The following ATP8A1 variants were observed in gnomAD, a reference collection of about 807,000 sequenced individuals.
ATP8A1 encodes ATPase phospholipid transporting 8A1, also known as phospholipid-transporting ATPase IA.
Under a neutral mutation model 177.7 loss-of-function variants are expected in ATP8A1, and 90 were observed. The observed-to-expected ratio is 0.51, with a 90% confidence interval of 0.43 to 0.60. The LOEUF is 0.60. Ranked by LOEUF, ATP8A1 falls within the 20% of genes least tolerant of loss-of-function variation. The pLI is 0.00. For missense variants in ATP8A1, 1,072 were observed against 1,392.8 expected (o/e 0.77, Z 3.67); for synonymous variants, 493 against 485.9 (o/e 1.01, Z -0.19).
At chr4:42,616,624 G>A (rs1736944608) in intron 4 of ATP8A1, among the ~76,000 whole-genome samples, 1 of 152,122 alleles carries the variant, frequency 6.6e-6, no homozygotes, top group African/African-American at 2.4e-5. Flanking sequence ...AGTCTCCCCT[G>A]TTCAATGCTC....
At chr4:42,473,938 G>A (rs1181946194) in intron 25 of ATP8A1, among the ~76,000 whole-genome samples, 4 of 151,924 alleles carry the variant, frequency 2.6e-5, no homozygotes, top group African/African-American at 7.3e-5. Context: ...ACAGGTGTGA[G>A]CCATCATGCA....
At chr4:42,436,336 T>C (rs1296116128) in intron 33 of ATP8A1, among the ~76,000 whole-genome samples, 4 of 152,222 alleles carry the variant, frequency 2.6e-5, no homozygotes, top group Admixed American at 1.3e-4. Context: ...ACACTTGCCG[T>C]ATATTGCAGG....
chr4:42,627,918 G>A (rs1036667500), intron 1 of ATP8A1, among the ~76,000 whole-genome samples: 2 of 152,138 alleles, frequency 1.3e-5, no homozygotes, highest in Non-Finnish European at 2.9e-5. Flanking sequence ...CTGACATGTG[G>A]TTTCTTCTGA....
intron 25 of ATP8A1, among the ~76,000 whole-genome samples, chr4:42,481,033 G>A (rs1408759355): frequency 2.0e-5 from 3 of 152,190 alleles, no homozygotes; most frequent in African/African-American, 7.2e-5. Flanking sequence ...ACAGAAAAAT[G>A]TAAAATTCTT....
chr4:42,624,612 G>A lies in ATP8A1; in HGVS notation c.287C>T (p.Thr96Ile). The stretch of plus-strand genomic sequence containing the variant: ...AGGAACCAGTGTTGTATAACGACCT[G>A]TTGGTGACACATCAGGTATTTGCTG... The part of the protein sequence containing the change: ...LLQQIPDVSP[T>I]GRYTTLVPLL... The change falls in exon 4 of 37, where the codon ACA (threonine) becomes ATA (isoleucine). Residue 96 changes from threonine to isoleucine, a missense_variant. Physicochemically the swap from Thr to Ile is moderately conservative, Grantham distance 89. Transcript: ENST00000381668. The A allele has an allele frequency of 6.9e-7, 1 of 1,450,030 alleles. No individual in the cohort carries two copies. The highest frequency in any genetic ancestry group is 9.2e-7 in the Non-Finnish European group (1 of 1,092,528). The allele number at this position is 1,450,030 out of a possible 1,614,324, so 89.8% of individuals were successfully genotyped here.
intron 2 of ATP8A1, chr4:42,626,052 C>T (rs1051796008): frequency 5.0e-5 from 8 of 158,550 alleles, no homozygotes; most frequent in African/African-American, 1.9e-4. Flanking sequence ...CAACGTGTGA[C>T]TAGAAAATAA....
intron 25 of ATP8A1, among the ~76,000 whole-genome samples, chr4:42,469,704 C>T (rs970628740): frequency 1.3e-5 from 2 of 152,084 alleles, no homozygotes; most frequent in Admixed American, 1.3e-4. Flanking sequence ...AGAAATAGCA[C>T]ATAATAAATT....
At position 42,471,236 on chromosome 4, in the gene ATP8A1, C is replaced by T. The variant is rs1010438263; in HGVS notation, c.2325-6160G>A. Among the ~76,000 whole-genome samples, 9 of 152,112 alleles carry T rather than the reference C, an allele frequency of 5.9e-5. No homozygotes were observed. In the South Asian group the frequency reaches 8.3e-4, roughly 14 times the overall value. On this transcript the variant is annotated intron_variant, in intron 25 of 36. Transcript: ENST00000381668. ...TTCAACCACTTCTTACCTAGAAGTG[C>T]GCTATTCAAATGACTGATGAGTGAG...
chr4:42,476,493 C>A (rs942332083), intron 25 of ATP8A1, among the ~76,000 whole-genome samples: 1 of 151,848 alleles, frequency 6.6e-6, no homozygotes, highest in Non-Finnish European at 1.5e-5. Context: ...GTGGTGGATG[C>A]CTGTAGTCCC....
chr4:42,514,767 C>T (rs1725361965), intron 22 of ATP8A1, among the ~76,000 whole-genome samples: 1 of 152,166 alleles, frequency 6.6e-6, no homozygotes, highest in Non-Finnish European at 1.5e-5. Flanking sequence ...TGCATCCCTG[C>T]TCTGCCAACC....
chr4:42,593,981 T>C (rs1302641796), intron 6 of ATP8A1, among the ~76,000 whole-genome samples: 1 of 151,982 alleles, frequency 6.6e-6, no homozygotes, highest in African/African-American at 2.4e-5. Flanking sequence ...AATCCATGTA[T>C]TATATAAAAT....
chr4:42,428,093 T>C (rs560744821), intron 33 of ATP8A1, among the ~76,000 whole-genome samples: 3 of 152,214 alleles, frequency 2.0e-5, no homozygotes, highest in African/African-American at 7.2e-5. Flanking sequence ...AGAAGACTGA[T>C]AGTTTAGAAG....
At chr4:42,514,540 A>G (rs982159137) in intron 22 of ATP8A1, among the ~76,000 whole-genome samples, 1 of 152,230 alleles carries the variant, frequency 6.6e-6, no homozygotes, top group African/African-American at 2.4e-5. Flanking sequence ...TAGAGTACAT[A>G]GAGGCTGCCT....
intron 4 of ATP8A1, among the ~76,000 whole-genome samples, chr4:42,619,802 T>G (rs1460119048): frequency 6.6e-6 from 1 of 152,170 alleles, no homozygotes; most frequent in Non-Finnish European, 1.5e-5. Flanking sequence ...AGATAACACC[T>G]TCTCTTTGCC....
intron 1 of ATP8A1, among the ~76,000 whole-genome samples, chr4:42,641,494 T>C (rs1274035156): frequency 1.4e-5 from 2 of 146,006 alleles, no homozygotes; most frequent in African/African-American, 5.0e-5. Flanking sequence ...TTCTATCCTT[T>C]TAAATTTCTT....
chr4:42,633,208 G>T (rs1340830825), intron 1 of ATP8A1, among the ~76,000 whole-genome samples: 1 of 152,150 alleles, frequency 6.6e-6, no homozygotes, highest in African/African-American at 2.4e-5. Flanking sequence ...GTGACTACTG[G>T]GTTGCTGAGA....
chr4:42,462,272 T>C (rs960309469), intron 27 of ATP8A1, among the ~76,000 whole-genome samples: 2 of 152,340 alleles, frequency 1.3e-5, no homozygotes, highest in South Asian at 2.1e-4. Context: ...AGAGTTTTCA[T>C]GGCAGCCCCT....
At chr4:42,555,126 TATC>T (rs1560454300) in intron 16 of ATP8A1, among the ~76,000 whole-genome samples, 48 of 79,956 alleles carry the variant, frequency 6.0e-4, no homozygotes, top group East Asian at 1.0e-3. Context: ...TCTATCTATC[TATC>T]TATCTATCTA....
At chr4:42,529,485 A>C (rs1057369124) in intron 20 of ATP8A1, among the ~76,000 whole-genome samples, 2 of 152,226 alleles carry the variant, frequency 1.3e-5, no homozygotes, top group African/African-American at 2.4e-5. Flanking sequence ...GCAGCACTGC[A>C]TCATCAAATT....
Sources: gnomAD v4.1 joint callset for allele counts (sites outside exome capture counted in the v4.1 genomes callset) on GRCh38, gnomAD v4.1.1 for gene constraint, MANE v1.5 for transcripts, NCBI Gene and HGNC (gene_info 2026-07-23, HGNC 2026-07-21) for gene names.